Variants in FGF10 observed in about 807,000 individuals in gnomAD.
FGF10 encodes fibroblast growth factor 10, also known as FGF-10.
FGF10 carries 2 observed loss-of-function variants against 19.8 expected under a neutral mutation model. The observed-to-expected ratio is 0.10, with a 90% confidence interval of 0.04 to 0.32. The LOEUF is 0.32. Ranked by LOEUF, FGF10 falls within the 10% of genes least tolerant of loss-of-function variation. The pLI is 1.00. For missense variants in FGF10, 191 were observed against 246.3 expected (o/e 0.78, Z 1.50); for synonymous variants, 112 against 94.0 (o/e 1.19, Z -1.10).
intron 1 of FGF10, among the ~76,000 whole-genome samples, chr5:44,383,158 C>A (rs1742020306): frequency 6.6e-6 from 1 of 151,908 alleles, no homozygotes; most frequent in Non-Finnish European, 1.5e-5. Context: ...TTTTTTTCAA[C>A]ATTTTGGCTT....
chr5:44,358,882 T>C (rs1452029376), intron 1 of FGF10, among the ~76,000 whole-genome samples: 1 of 151,566 alleles, frequency 6.6e-6, no homozygotes, highest in African/African-American at 2.4e-5. Context: ...ACATCTACTT[T>C]AGAAGCCAAG....
intron 1 of FGF10, among the ~76,000 whole-genome samples, chr5:44,380,913 G>A (rs1420596807): frequency 6.6e-6 from 1 of 151,642 alleles, no homozygotes; most frequent in Non-Finnish European, 1.5e-5. Context: ...CCAGCAGGTT[G>A]AGGCTACAGT....
At chr5:44,359,779 G>C (rs1387454510) in intron 1 of FGF10, among the ~76,000 whole-genome samples, 2 of 151,278 alleles carry the variant, frequency 1.3e-5, no homozygotes, top group Non-Finnish European at 3.0e-5. Context: ...GGCTTTGATG[G>C]TACCTATCAT....
chr5:44,340,329 G>A (rs1255544672), intron 1 of FGF10, among the ~76,000 whole-genome samples: 1 of 151,984 alleles, frequency 6.6e-6, no homozygotes, highest in Non-Finnish European at 1.5e-5. Flanking sequence ...TTTAGTGAGG[G>A]TTATAAGCCT....
intron 1 of FGF10, among the ~76,000 whole-genome samples, chr5:44,318,838 A>G (rs1275297153): frequency 2.0e-5 from 3 of 152,184 alleles, no homozygotes; most frequent in Admixed American, 2.0e-4. Flanking sequence ...GTTCAATCAA[A>G]ACCTCTGATC....
intron 1 of FGF10, among the ~76,000 whole-genome samples, chr5:44,379,920 T>C (rs1741949602): frequency 6.6e-6 from 1 of 152,232 alleles, no homozygotes; most frequent in Non-Finnish European, 1.5e-5. Flanking sequence ...CATTATGTGA[T>C]CTTTACCGTC....
rs1225645235 is a variant in FGF10 at position 44,383,023 on chromosome 5, G to A, written c.325+5335C>T. ...ACTCTTCTTTCTGAAGCATAATAAA[G>A]AAATATCATTTGCACTACAATGTCA... On this transcript the variant is annotated intron_variant, in intron 1 of 2. Transcript: ENST00000264664. 2.0e-5 allele frequency among the ~76,000 whole-genome samples: 3 copies of A among 152,004 alleles called. No homozygotes were observed. In the East Asian group the frequency reaches 5.8e-4, roughly 29 times the overall value.
At chr5:44,350,202 T>A (rs1257056517) in intron 1 of FGF10, among the ~76,000 whole-genome samples, 1 of 150,638 alleles carries the variant, frequency 6.6e-6, no homozygotes, top group African/African-American at 2.4e-5. Context: ...ATCTATTATA[T>A]ACATAAATGG....
At chr5:44,310,672 A>G in intron 1 of FGF10, 142 bp from the exon 2 acceptor site, 1 of 655,034 alleles carries the variant, frequency 1.5e-6, no homozygotes, top group East Asian at 2.8e-5. Context: ...AAACAAGCAA[A>G]CAAGCAAATC....
At chr5:44,381,545 T>A (rs1170759478) in intron 1 of FGF10, among the ~76,000 whole-genome samples, 1 of 151,584 alleles carries the variant, frequency 6.6e-6, no homozygotes, top group African/African-American at 2.4e-5. Context: ...TATTAGGGAT[T>A]TACAATGGCT....
At chr5:44,343,508 T>G (rs1244675283) in intron 1 of FGF10, among the ~76,000 whole-genome samples, 1 of 152,036 alleles carries the variant, frequency 6.6e-6, no homozygotes, top group African/African-American at 2.4e-5. Context: ...TGAGGGTATA[T>G]GAGATGCTTC....
intron 1 of FGF10, among the ~76,000 whole-genome samples, chr5:44,323,379 A>G (rs1288246946): frequency 6.6e-6 from 1 of 152,202 alleles, no homozygotes; most frequent in African/African-American, 2.4e-5. Context: ...TTGTATTTTA[A>G]GAAAGTAATT....
At chr5:44,382,936 C>T (rs1363540458) in intron 1 of FGF10, among the ~76,000 whole-genome samples, 2 of 152,022 alleles carry the variant, frequency 1.3e-5, no homozygotes, top group Admixed American at 6.6e-5. Flanking sequence ...CTCTTCATTG[C>T]AAAGTTCACA....
intron 1 of FGF10, among the ~76,000 whole-genome samples, chr5:44,369,096 T>C (rs1035821144): frequency 3.3e-5 from 5 of 152,120 alleles, no homozygotes; most frequent in Non-Finnish European, 5.9e-5. Flanking sequence ...GAAATGTCAC[T>C]TACATAGACA....
intron 1 of FGF10, among the ~76,000 whole-genome samples, chr5:44,340,167 G>A (rs1014358202): frequency 3.9e-5 from 6 of 152,072 alleles, no homozygotes; most frequent in African/African-American, 9.7e-5. Context: ...TAAAAATGAC[G>A]GGAGCAGATG....
Position 44,312,802 on chromosome 5 carries a change from G to A in FGF10, c.326-2272C>T, listed in dbSNP as rs138882585. Among the ~76,000 whole-genome samples the A allele has an allele frequency of 2.5e-3, 378 of 152,130 alleles. 2 individuals are homozygous for A. The highest frequency in any genetic ancestry group is 8.7e-3 in the African/African-American group (360 of 41,532). ...ATTAATAGAACAAAGAGGAATGAAG[G>A]ATGATTTTAAGCAAAAAATAAACCA... On this transcript the variant is annotated intron_variant, in intron 1 of 2. Coordinates refer to ENST00000264664, the MANE Select transcript of FGF10 (RefSeq NM_004465.2).
intron 1 of FGF10, among the ~76,000 whole-genome samples, chr5:44,333,588 A>G (rs1053198784): frequency 6.6e-6 from 1 of 152,178 alleles, no homozygotes; most frequent in Admixed American, 6.5e-5. Flanking sequence ...TCCATTATAT[A>G]CATAAGGAAG....
At chr5:44,364,859 A>G (rs1046639393) in intron 1 of FGF10, among the ~76,000 whole-genome samples, 1 of 151,950 alleles carries the variant, frequency 6.6e-6, no homozygotes, top group Non-Finnish European at 1.5e-5. Context: ...TTATCTGTGT[A>G]GGTGGTTTTC....
intron 1 of FGF10, among the ~76,000 whole-genome samples, chr5:44,327,767 A>G (rs1324427338): frequency 1.3e-5 from 2 of 152,180 alleles, no homozygotes; most frequent in African/African-American, 4.8e-5. Context: ...TCTTTTCTGT[A>G]TGTGGAGACT....
Sources: gnomAD v4.1 joint callset for allele counts (sites outside exome capture counted in the v4.1 genomes callset) on GRCh38, gnomAD v4.1.1 for gene constraint, MANE v1.5 for transcripts, NCBI Gene and HGNC (gene_info 2026-07-23, HGNC 2026-07-21) for gene names.